Variants in SHC4 observed in about 807,000 individuals in gnomAD.
SHC4 encodes SHC-transforming protein 4.
In SHC4, 41 loss-of-function variants were observed where a neutral mutation model predicts 69.4. That is an observed-to-expected ratio of 0.59 (90% confidence interval 0.46 to 0.77). The LOEUF (loss-of-function observed/expected upper bound fraction) is 0.77. SHC4 is among the 30% of genes least tolerant of loss of function. The probability of loss-of-function intolerance (pLI) is 0.00; values close to 1 mark genes in which losing one functional copy is unlikely to be tolerated. For synonymous variants in SHC4, 318 were observed against 299.3 expected (o/e 1.06, Z -0.64); for missense variants, 777 against 783.8 (o/e 0.99, Z 0.10).
At chr15:48,871,370 G>A (rs1473137867) in intron 5 of SHC4, among the ~76,000 whole-genome samples, 1 of 152,164 alleles carries the variant, frequency 6.6e-6, no homozygotes, top group East Asian at 1.9e-4. Flanking sequence ...TCACAGAGTG[G>A]CAAAAGTATT....
At position 48,963,110 on chromosome 15, in the gene SHC4, G is replaced by C. The variant is rs1901575602; in HGVS notation, c.-95C>G. ...GACATCAGATACCTCAACGCCCGAT[G>C]CAACTCACAGCAGCCACCTCTCCAA... On this transcript the variant is annotated 5_prime_UTR_variant, in exon 1 of 12. Coordinates refer to ENST00000332408, the MANE Select transcript of SHC4 (RefSeq NM_203349.4). 2 of 1,279,356 alleles carry C rather than the reference G, an allele frequency of 1.6e-6. No individual in the cohort carries two copies. The highest frequency in any genetic ancestry group is 4.6e-5 in the Admixed American group (2 of 43,806). 79.3% of individuals were successfully genotyped at this position (1,279,356 alleles called of 1,614,324 possible). A position where few individuals can be genotyped will look rare whatever the true frequency, so the allele number is the denominator to read the frequency against.
chr15:48,847,980 C>T (rs575213726), intron 9 of SHC4, among the ~76,000 whole-genome samples: 47 of 127,336 alleles, frequency 3.7e-4, no homozygotes, highest in African/African-American at 1.2e-3. Flanking sequence ...CCAGCCCGAG[C>T]AACAAGAGCA....
At chr15:48,833,852 A>C (rs947755948) in intron 11 of SHC4, among the ~76,000 whole-genome samples, 10 of 152,224 alleles carry the variant, frequency 6.6e-5, no homozygotes, top group Non-Finnish European at 1.2e-4. Flanking sequence ...TCTTCTTACC[A>C]GTTTTGACAT....
chr15:48,963,063 C>A lies in SHC4; in HGVS notation c.-48G>T. 5 of 1,540,510 alleles carry A rather than the reference C, an allele frequency of 3.2e-6. No homozygotes were observed. The highest frequency in any genetic ancestry group is 3.5e-6 in the Non-Finnish European group (4 of 1,140,140). On this transcript the variant is annotated 5_prime_UTR_variant, in exon 1 of 12. Coordinates refer to ENST00000332408, the MANE Select transcript of SHC4 (RefSeq NM_203349.4). ...GATACTGTTGCATAAATCGCCTCGTCGTCTGGTAGATAAACGGTGCAGACA... is the reference window on the plus strand; with the variant it reads ...GATACTGTTGCATAAATCGCCTCGTAGTCTGGTAGATAAACGGTGCAGACA...
chr15:48,830,740 C>T (rs917433083), intron 11 of SHC4, among the ~76,000 whole-genome samples: 3 of 152,172 alleles, frequency 2.0e-5, no homozygotes, highest in African/African-American at 7.2e-5. Context: ...AAAGAATGCT[C>T]ATGTTGCATT....
chr15:48,938,753 T>G (rs1901120872), intron 1 of SHC4, among the ~76,000 whole-genome samples: 1 of 152,180 alleles, frequency 6.6e-6, no homozygotes, highest in Non-Finnish European at 1.5e-5. Flanking sequence ...AACCTTTTTG[T>G]CTAAGCCACT....
At chr15:48,939,004 CA>C (rs1389932189) in intron 1 of SHC4, among the ~76,000 whole-genome samples, 1 of 152,180 alleles carries the variant, frequency 6.6e-6, no homozygotes, top group Non-Finnish European at 1.5e-5. Flanking sequence ...TTATGTGTTT[CA>C]TAGGGTTATT....
chr15:48,960,095 T>C (rs1288951811), intron 1 of SHC4, among the ~76,000 whole-genome samples: 2 of 152,370 alleles, frequency 1.3e-5, no homozygotes, highest in East Asian at 3.9e-4. Flanking sequence ...TCGGCAATCT[T>C]GTGAGGTTCA....
chr15:48,885,893 C>T (rs1185620621), intron 3 of SHC4, among the ~76,000 whole-genome samples: 1 of 152,158 alleles, frequency 6.6e-6, no homozygotes, highest in African/African-American at 2.4e-5. Flanking sequence ...TTTGTGTTCC[C>T]ACAGTGATTT....
chr15:48,843,579 T>C lies in SHC4; in HGVS notation c.1313A>G (p.His438Arg), dbSNP rs1215458157. 3 of 1,613,872 alleles carry C rather than the reference T, an allele frequency of 1.9e-6. No homozygotes were observed. The highest frequency in any genetic ancestry group is 3.3e-5 in the Admixed American group (2 of 59,984). ...LEQSRAIGNVHPRGVQSQRDT... is the reference protein window; with the variant it reads ...LEQSRAIGNVRPRGVQSQRDT... ...TCGCTGGGACTGCACCCCTCTTGGATGGACATTACCTGTAGTGATTAGTAG... is the reference window on the plus strand; with the variant it reads ...TCGCTGGGACTGCACCCCTCTTGGACGGACATTACCTGTAGTGATTAGTAG... Residue 438 changes from histidine (H) to arginine (R), a missense_variant, in exon 10 of 12, where the codon CAT (histidine) becomes CGT (arginine). By Grantham distance (29) the His-to-Arg change is conservative (BLOSUM62 0). Transcript: ENST00000332408.
chr15:48,889,239 T>C (rs548994529), intron 3 of SHC4, among the ~76,000 whole-genome samples: 1 of 152,330 alleles, frequency 6.6e-6, no homozygotes, highest in East Asian at 1.9e-4. Flanking sequence ...TTTGGAACCA[T>C]GGGTTCTGTG....
chr15:48,826,700 T>C (rs1202444529), intron 11 of SHC4, among the ~76,000 whole-genome samples: 4 of 152,198 alleles, frequency 2.6e-5, no homozygotes, highest in South Asian at 2.1e-4. Flanking sequence ...TCTATAACTA[T>C]TTAACTGGTT....
rs1489451383 is a variant in SHC4 at position 48,962,648 on chromosome 15, C to T, written c.368G>A (p.Arg123Gln). 1.2e-6 allele frequency: 2 copies of T among 1,614,196 alleles called. No individual in the cohort carries two copies. The highest frequency in any genetic ancestry group is 2.2e-5 in the South Asian group (2 of 91,086). The change falls in exon 1 of 12, where the codon CGG becomes CAG. Residue 123 changes from arginine to glutamine, a missense_variant. Transcript: ENST00000332408. ...AGAGGGGCCGCTGGAACCTGGGTCCCGGCTTTCCTGGAGCTTCAGCCGAGG... is the reference window on the plus strand; with the variant it reads ...AGAGGGGCCGCTGGAACCTGGGTCCTGGCTTTCCTGGAGCTTCAGCCGAGG... ...EVPRLKLQES[R>Q]DPGSSGPSSP...
intron 1 of SHC4, among the ~76,000 whole-genome samples, chr15:48,941,925 G>A (rs551177240): frequency 6.6e-5 from 10 of 152,194 alleles, no homozygotes; most frequent in African/African-American, 2.4e-4. Flanking sequence ...AGTCTCCAAT[G>A]TCTATCAATT....
At chr15:48,888,810 C>T (rs542906057) in intron 3 of SHC4, among the ~76,000 whole-genome samples, 14 of 146,484 alleles carry the variant, frequency 9.6e-5, no homozygotes, top group South Asian at 2.2e-4. Context: ...CATTGAGAAT[C>T]GTTTGAACCC....
Position 48,825,927 on chromosome 15 carries a change from A to T in SHC4, c.*44T>A. On this transcript the variant is annotated 3_prime_UTR_variant, in exon 12 of 12. Coordinates refer to ENST00000332408, the MANE Select transcript of SHC4 (RefSeq NM_203349.4). ...AAATTATCTTTGTGTCCTAATACAA[A>T]ATGGGGTTTCTTGAAATATCAGTGT... is the stretch of plus-strand genomic sequence containing the variant. 6.3e-7 allele frequency: 1 copy of T among 1,589,664 alleles called. No individual in the cohort carries two copies. The highest frequency in any genetic ancestry group is 1.2e-5 in the South Asian group (1 of 86,714).
intron 6 of SHC4, among the ~76,000 whole-genome samples, chr15:48,858,944 A>C (rs1387567626): frequency 6.6e-6 from 1 of 152,226 alleles, no homozygotes; most frequent in Non-Finnish European, 1.5e-5. Flanking sequence ...GAATCAGATT[A>C]AATACCAGGG....
Position 48,962,945 on chromosome 15 carries a change from A to G in SHC4, c.71T>C (p.Met24Thr). Residue 24 changes from methionine to threonine, a missense_variant, in exon 1 of 12, where the codon ATG (methionine) becomes ACG (threonine). By Grantham distance (81) the Met-to-Thr change is moderately conservative. Coordinates refer to ENST00000332408, the MANE Select transcript of SHC4 (RefSeq NM_203349.4). Reference sequence around the variant, plus strand: ...GCGGCTGTACTTGGCCCTGTGCAGCATCCCGGGGTGCCCGAAGAGTCCTAC... The same window carrying G: ...GCGGCTGTACTTGGCCCTGTGCAGCGTCCCGGGGTGCCCGAAGAGTCCTAC... ...LYVGLFGHPG[M>T]LHRAKYSRFR... 1.9e-6 allele frequency: 3 copies of G among 1,613,200 alleles called. No individual in the cohort carries two copies. The highest frequency in any genetic ancestry group is 2.5e-6 in the Non-Finnish European group (3 of 1,180,014).
rs538157765 is a variant in SHC4 at position 48,909,521 on chromosome 15, C to T, written c.656+15358G>A. ...GCAAGCAGTGACAGTTTGACTTCCT[C>T]TTTACTGATTTGGATGCTGTTTATT... On this transcript the variant is annotated intron_variant, in intron 2 of 11. Coordinates refer to ENST00000332408, the MANE Select transcript of SHC4 (RefSeq NM_203349.4). Among the ~76,000 whole-genome samples the T allele has an allele frequency of 2.0e-5, 3 of 152,236 alleles. No individual in the cohort carries two copies. In the East Asian group the frequency reaches 5.8e-4, roughly 29 times the overall value.
Sources: gnomAD v4.1 joint callset for allele counts (sites outside exome capture counted in the v4.1 genomes callset) on GRCh38, gnomAD v4.1.1 for gene constraint, MANE v1.5 for transcripts, NCBI Gene and HGNC (gene_info 2026-07-23, HGNC 2026-07-21) for gene names.